The following TSPAN2 variants were observed in gnomAD, a reference collection of about 807,000 sequenced individuals.
TSPAN2 encodes tetraspanin 2, also known as tetraspanin-2.
Under a neutral mutation model 33.3 loss-of-function variants are expected in TSPAN2, and 24 were observed. That is an observed-to-expected ratio of 0.72 (90% confidence interval 0.52 to 1.01). TSPAN2 has a LOEUF of 1.01. TSPAN2 is among the 50% of genes least tolerant of loss of function. The pLI, the probability that TSPAN2 is intolerant of heterozygous loss-of-function variation, is 0.00. For missense variants in TSPAN2, 278 were observed against 281.3 expected, an observed-to-expected ratio of 0.99 and a Z score of 0.08; for synonymous variants, 114 against 104.5, an observed-to-expected ratio of 1.09 and a Z score of -0.56.
chr1:115,055,291 A>G (rs1647353177), intron 6 of TSPAN2, among the ~76,000 whole-genome samples: 1 of 151,906 alleles, frequency 6.6e-6, no homozygotes, highest in South Asian at 2.1e-4. Context: ...TTAGTCACAA[A>G]AGGAATACAT....
intron 2 of TSPAN2, among the ~76,000 whole-genome samples, chr1:115,063,597 C>CA (rs1193908576): frequency 6.6e-6 from 1 of 152,100 alleles, no homozygotes. Context: ...GTCATTCTGT[C>CA]AAAAGGGTAC....
chr1:115,083,268 C>T (rs577363520), intron 1 of TSPAN2, among the ~76,000 whole-genome samples: 3 of 152,310 alleles, frequency 2.0e-5, no homozygotes, highest in Admixed American at 2.0e-4. Flanking sequence ...TCTTTTGTCA[C>T]ACATGGTTGG....
rs1304049665 is a variant in TSPAN2 at position 115,048,811 on chromosome 1, TGTATAATTAA to T, written c.*1669_*1678del. ...AGCTACAGACACAGTAAAGTAGCCA[TGTATAATTAA>T]GTTTTTAGCTTGCCTCAAATATGAC... On this transcript the variant is annotated 3_prime_UTR_variant, in exon 8 of 8. Coordinates refer to ENST00000369516, the MANE Select transcript of TSPAN2 (RefSeq NM_005725.6). 1 of 152,162 alleles carries T rather than the reference TGTATAATTAA, an allele frequency of 6.6e-6. No individual in the cohort carries two copies. Among genetic ancestry groups the T allele is most frequent in the Non-Finnish European group, 1.5e-5 (1 of 67,980 alleles). The allele number at this position is 152,162 out of a possible 1,614,324, so 9.4% of individuals were successfully genotyped here. A position where few individuals can be genotyped will look rare whatever the true frequency, so the allele number is the denominator to read the frequency against.
intron 1 of TSPAN2, among the ~76,000 whole-genome samples, chr1:115,089,007 A>G (rs4590672): frequency 0.97 from 146,832 of 152,082 alleles, 70,879 homozygotes; most frequent in East Asian, 1. Flanking sequence ...TGCACGGGAG[A>G]CTGGAGGGGA....
rs546949679 is a variant in TSPAN2, at chr1:115,077,169, T to C, written c.70-4162A>G. On this transcript the variant is annotated intron_variant, in intron 1 of 7. Coordinates refer to ENST00000369516, the MANE Select transcript of TSPAN2 (RefSeq NM_005725.6). ...CCTGGACTCAAGTGATCTGCTCACC[T>C]CAGCCTCTCAAAGTACTAGGATTAC... is the stretch of plus-strand genomic sequence containing the variant. Among the ~76,000 whole-genome samples the C allele has an allele frequency of 7.9e-5, 12 of 152,212 alleles. No individual in the cohort carries two copies. The East Asian group carries it at 2.3e-3, about 29-fold the overall frequency.
chr1:115,056,676 CG>C (rs1209033121), intron 6 of TSPAN2, among the ~76,000 whole-genome samples: 2 of 152,166 alleles, frequency 1.3e-5, no homozygotes, highest in Non-Finnish European at 2.9e-5. Flanking sequence ...CTGTGCTTTC[CG>C]AGCACGTTGC....
rs1448686050 is a variant in TSPAN2 at position 115,060,467 on chromosome 1, C to A, written c.342G>T (p.Gly114=). ...CATTATAAGTAATTTTACTTACTACCCCCTTGCCTATAAAAGCAAATACTC... is the reference window on the plus strand; with the variant it reads ...CATTATAAGTAATTTTACTTACTACACCCTTGCCTATAAAAGCAAATACTC... ...TTGVFAFIGK[G]VAIRHVQTMY... is the part of the protein sequence containing the mutation. Residue 114 remains glycine (G), a synonymous_variant, in exon 4 of 8, where the codon GGG becomes GGT. Coordinates refer to ENST00000369516, the MANE Select transcript of TSPAN2 (RefSeq NM_005725.6). 1.2e-6 allele frequency: 2 copies of A among 1,611,010 alleles called. No homozygotes were observed. Among genetic ancestry groups the A allele is most frequent in the Non-Finnish European group, 1.7e-6 (2 of 1,178,056 alleles).
intron 2 of TSPAN2, among the ~76,000 whole-genome samples, chr1:115,065,428 C>T (rs1222329054): frequency 1.3e-5 from 2 of 152,154 alleles, no homozygotes. Context: ...ACCTACTTCC[C>T]AAAGCCCTCA....
intron 1 of TSPAN2, among the ~76,000 whole-genome samples, chr1:115,084,037 C>A (rs1309426908): frequency 6.6e-6 from 1 of 152,174 alleles, no homozygotes; most frequent in African/African-American, 2.4e-5. Context: ...TGACTCCATG[C>A]CCTTGATAAA....
rs1675267183 is a variant in TSPAN2, at chr1:115,049,962, ACCCAGG to A, written c.*522_*527del. 6.4e-6 allele frequency: 1 copy of A among 157,296 alleles called. No individual in the cohort carries two copies. The highest frequency in any genetic ancestry group is 2.4e-5 in the African/African-American group (1 of 41,364). 9.7% of individuals were successfully genotyped at this position (157,296 alleles called of 1,614,324 possible). ...CTGGGGAGAGCATGTATATAAAAAA[ACCCAGG>A]AAACCCTTACACCCAACTTAGACAC... On this transcript the variant is annotated 3_prime_UTR_variant, in exon 8 of 8. Coordinates refer to ENST00000369516, the MANE Select transcript of TSPAN2 (RefSeq NM_005725.6).
At chr1:115,056,892 C>T (rs768564952) in intron 6 of TSPAN2, among the ~76,000 whole-genome samples, 7 of 152,150 alleles carry the variant, frequency 4.6e-5, no homozygotes, top group African/African-American at 1.2e-4. Flanking sequence ...CTCCCCTTCC[C>T]GTGCTGTCTC....
At chr1:115,087,610 C>T (rs1296317036) in intron 1 of TSPAN2, among the ~76,000 whole-genome samples, 5 of 102,328 alleles carry the variant, frequency 4.9e-5, no homozygotes, top group Admixed American at 1.2e-4. Context: ...AGTGAGACTC[C>T]GTCTCAAAAA....
chr1:115,075,253 C>A (rs1648357768), intron 1 of TSPAN2, among the ~76,000 whole-genome samples: 1 of 152,166 alleles, frequency 6.6e-6, no homozygotes, highest in Non-Finnish European at 1.5e-5. Context: ...GGGAAAAAAT[C>A]TGCGCTTGCT....
chr1:115,084,553 A>G (rs928741867), intron 1 of TSPAN2, among the ~76,000 whole-genome samples: 2 of 152,212 alleles, frequency 1.3e-5, no homozygotes, highest in Non-Finnish European at 2.9e-5. Context: ...GGTCCACACT[A>G]GGGGACACTG....
chr1:115,077,477 A>G (rs1253257536), intron 1 of TSPAN2, among the ~76,000 whole-genome samples: 1 of 152,224 alleles, frequency 6.6e-6, no homozygotes, highest in Non-Finnish European at 1.5e-5. Flanking sequence ...TATTCCAGAG[A>G]GTTTGGAGGA....
In TSPAN2 at chr1:115,063,729, A is replaced by G. The variant is rs572125333; in HGVS notation, c.173-1497T>C. ...ACCATGGAATACTATGCAGCCATAA[A>G]AAAGAACAAAATCATGCCCTTTGCA... is the stretch of plus-strand genomic sequence containing the variant. On this transcript the variant is annotated intron_variant, in intron 2 of 7. Transcript: ENST00000369516. 8.5e-5 allele frequency among the ~76,000 whole-genome samples: 13 copies of G among 152,368 alleles called. No individual in the cohort carries two copies. The East Asian group carries it at 2.5e-3, about 29-fold the overall frequency.
intron 2 of TSPAN2, among the ~76,000 whole-genome samples, chr1:115,069,727 C>A (rs1232471501): frequency 6.6e-6 from 1 of 152,174 alleles, no homozygotes; most frequent in Non-Finnish European, 1.5e-5. Flanking sequence ...ACGAAGAGTC[C>A]TGATAGACAT....
At chr1:115,062,518 T>C (rs1647777774) in intron 2 of TSPAN2, among the ~76,000 whole-genome samples, 1 of 152,196 alleles carries the variant, frequency 6.6e-6, no homozygotes. Flanking sequence ...GAGGCAGCCA[T>C]CATTCAGGTG....
intron 1 of TSPAN2, among the ~76,000 whole-genome samples, chr1:115,077,381 C>T (rs1648458450): frequency 6.6e-6 from 1 of 151,506 alleles, no homozygotes; most frequent in Non-Finnish European, 1.5e-5. Context: ...TAGATAGTGA[C>T]AATAATTCCA....
Sources: gnomAD v4.1 joint callset for allele counts (sites outside exome capture counted in the v4.1 genomes callset) on GRCh38, gnomAD v4.1.1 for gene constraint, MANE v1.5 for transcripts, NCBI Gene and HGNC (gene_info 2026-07-23, HGNC 2026-07-21) for gene names.